Variants in C10orf90 observed in about 807,000 individuals in gnomAD.
C10orf90 encodes the protein (E2-independent) E3 ubiquitin-conjugating enzyme FATS.
In C10orf90, 56 loss-of-function variants were observed where a neutral mutation model predicts 62.5. The observed-to-expected ratio is 0.90, with a 90% CI of 0.72 to 1.12. C10orf90 has a LOEUF of 1.12. Ranked by LOEUF, C10orf90 falls within the 50% of genes most tolerant of loss-of-function variation. The pLI is 0.00. For synonymous variants in C10orf90, 386 were observed against 340.4 expected (o/e 1.13, Z -1.47); for missense variants, 970 against 880.4 (o/e 1.10, Z -1.29).
rs367578126 is a variant in C10orf90, at chr10:126,655,918, T to TG, written c.241-9282dup. On this transcript the variant is annotated intron_variant, in intron 1 of 9. Transcript: ENST00000488181. ...TTCCATGACATGCATGCCCTGGGCC[T>TG]GGGGGGGAGAAGACCTTCAGATTTG... Among the ~76,000 whole-genome samples the TG allele has an allele frequency of 2.9e-3, 446 of 151,634 alleles. 3 individuals are homozygous for TG. The highest frequency in any genetic ancestry group is 0.01 in the African/African-American group (425 of 41,362).
At chr10:126,434,803 T>C (rs1857813227) in intron 7 of C10orf90, among the ~76,000 whole-genome samples, 1 of 152,204 alleles carries the variant, frequency 6.6e-6, no homozygotes, top group African/African-American at 2.4e-5. Flanking sequence ...AGTAATTCCA[T>C]CACGGTTCTC....
intron 2 of C10orf90, among the ~76,000 whole-genome samples, chr10:126,634,957 G>A (rs995763219): frequency 6.6e-6 from 1 of 152,120 alleles, no homozygotes; most frequent in East Asian, 1.9e-4. Flanking sequence ...CACACAGTGC[G>A]GCTTTCTGGA....
chr10:126,553,239 G>C (rs1225152854), intron 2 of C10orf90, among the ~76,000 whole-genome samples: 1 of 152,102 alleles, frequency 6.6e-6, no homozygotes, highest in Non-Finnish European at 1.5e-5. Flanking sequence ...CATAAATGGA[G>C]AAAGGATATT....
chr10:126,557,797 T>A (rs2133984315), intron 2 of C10orf90, among the ~76,000 whole-genome samples: 1 of 152,188 alleles, frequency 6.6e-6, no homozygotes, highest in Non-Finnish European at 1.5e-5. Context: ...TTCTTTCTGC[T>A]CCTTTTTGTT....
At chr10:126,524,550 T>C in intron 2 of C10orf90, 1 of 845,256 alleles carries the variant, frequency 1.2e-6, no homozygotes, top group Non-Finnish European at 1.4e-6. Context: ...GAAGGTGCAC[T>C]GGGAGAAGCT....
intron 6 of C10orf90, 83 bp from the exon 7 acceptor site, chr10:126,459,300 C>G: frequency 6.6e-7 from 1 of 1,515,950 alleles, no homozygotes. Flanking sequence ...GCCAAGAAGC[C>G]GATGGCAAGC....
At chr10:126,613,898 T>A (rs1845489663) in intron 2 of C10orf90, among the ~76,000 whole-genome samples, 1 of 152,210 alleles carries the variant, frequency 6.6e-6, no homozygotes, top group African/African-American at 2.4e-5. Context: ...TGTGATGACC[T>A]GACCCTCACC....
intron 2 of C10orf90, among the ~76,000 whole-genome samples, chr10:126,570,512 G>T (rs1269034823): frequency 6.6e-6 from 1 of 152,138 alleles, no homozygotes; most frequent in Non-Finnish European, 1.5e-5. Context: ...AACTTAATTA[G>T]GAAAATTTAG....
intron 2 of C10orf90, among the ~76,000 whole-genome samples, chr10:126,521,949 A>T (rs1204604614): frequency 6.6e-6 from 1 of 152,204 alleles, no homozygotes; most frequent in South Asian, 2.1e-4. Context: ...GAAGTCATTG[A>T]CTCAAACCCA....
intron 2 of C10orf90, among the ~76,000 whole-genome samples, chr10:126,515,550 A>G (rs11818960): frequency 0.018 from 2,762 of 152,322 alleles, 86 homozygotes; most frequent in African/African-American, 0.062. Flanking sequence ...ACAATATGCC[A>G]TACCATACCG....
intron 4 of C10orf90, among the ~76,000 whole-genome samples, chr10:126,481,651 C>A (rs983176647): frequency 1.3e-5 from 2 of 152,182 alleles, no homozygotes; most frequent in Non-Finnish European, 2.9e-5. Flanking sequence ...TTGGCAGGTA[C>A]CAGCGTTGGG....
At chr10:126,641,909 C>A (rs1846066241) in intron 2 of C10orf90, among the ~76,000 whole-genome samples, 1 of 152,200 alleles carries the variant, frequency 6.6e-6, no homozygotes, top group Admixed American at 6.5e-5. Context: ...ACTCCCCACC[C>A]TTCCCAGTCT....
chr10:126,663,958 G>C (rs1462476423), intron 1 of C10orf90, among the ~76,000 whole-genome samples: 2 of 152,108 alleles, frequency 1.3e-5, no homozygotes, highest in African/African-American at 4.8e-5. Flanking sequence ...TCCATTTTAT[G>C]TCGAAAATGC....
chr10:126,631,916 C>T (rs755958148), intron 2 of C10orf90, among the ~76,000 whole-genome samples: 19 of 151,952 alleles, frequency 1.3e-4, no homozygotes, highest in African/African-American at 1.7e-4. Context: ...ATGGGGCAGG[C>T]GTCAGACACT....
intron 2 of C10orf90, among the ~76,000 whole-genome samples, chr10:126,523,242 G>A (rs1456542824): frequency 1.3e-5 from 2 of 152,220 alleles, no homozygotes; most frequent in Admixed American, 6.5e-5. Flanking sequence ...TGGCTGGAGT[G>A]TGGGTCTCTC....
At chr10:126,635,355 G>C (rs112893445) in intron 2 of C10orf90, among the ~76,000 whole-genome samples, 8 of 152,270 alleles carry the variant, frequency 5.3e-5, no homozygotes, top group African/African-American at 1.9e-4. Context: ...TTCAAGGCAT[G>C]GGGGGTGCGG....
chr10:126,534,362 T>C (rs955616309), intron 2 of C10orf90, among the ~76,000 whole-genome samples: 1 of 152,216 alleles, frequency 6.6e-6, no homozygotes, highest in African/African-American at 2.4e-5. Context: ...ATCTCTTCTC[T>C]GCCATTTCTG....
chr10:126,641,042 A>C (rs1387704605), intron 2 of C10orf90, among the ~76,000 whole-genome samples: 1 of 152,194 alleles, frequency 6.6e-6, no homozygotes, highest in Non-Finnish European at 1.5e-5. Flanking sequence ...AATTCCAAAA[A>C]TTAGAGCCTT....
chr10:126,566,864 G>A (rs1055214376), intron 2 of C10orf90, among the ~76,000 whole-genome samples: 4 of 152,154 alleles, frequency 2.6e-5, no homozygotes, highest in African/African-American at 7.2e-5. Flanking sequence ...AGCACACATC[G>A]GGAAGACAGG....
Sources: gnomAD v4.1 joint callset for allele counts (sites outside exome capture counted in the v4.1 genomes callset) on GRCh38, gnomAD v4.1.1 for gene constraint, MANE v1.5 for transcripts, NCBI Gene and HGNC (gene_info 2026-07-23, HGNC 2026-07-21) for gene names.